Variants in SVIL observed in about 807,000 individuals in gnomAD.
SVIL encodes archvillin.
SVIL carries 101 observed loss-of-function variants against 240.4 expected under a neutral mutation model. That is an observed-to-expected ratio of 0.42 (90% confidence interval 0.36 to 0.50). The LOEUF (loss-of-function observed/expected upper bound fraction) is 0.50. SVIL is among the 20% of genes least tolerant of loss of function. The pLI, the probability that SVIL is intolerant of heterozygous loss-of-function variation, is 0.01. For missense variants in SVIL, 2,512 were observed against 2,818.7 expected, an observed-to-expected ratio of 0.89 and a Z score of 2.46; for synonymous variants, 999 against 1,100.0, an observed-to-expected ratio of 0.91 and a Z score of 1.82.
At chr10:29,581,640 C>CT (rs1217025579) in intron 1 of SVIL, among the ~76,000 whole-genome samples, 3 of 152,132 alleles carry the variant, frequency 2.0e-5, no homozygotes, top group Non-Finnish European at 4.4e-5. Context: ...ACCTAAAAGA[C>CT]TTATTAGTGT....
rs534304821 is a variant in SVIL, at chr10:29,578,968, A to G, written c.-200-9656T>C. 4.8e-4 allele frequency among the ~76,000 whole-genome samples: 73 copies of G among 152,278 alleles called. 2 individuals carry two copies. In the East Asian group the frequency reaches 0.013, roughly 28 times the overall value. ...CATGATGTGAAACAGAAATATTTGC[A>G]TGTAGGGAGAATCAGGAAGAACATG... On this transcript the variant is annotated intron_variant, in intron 1 of 37. Transcript: ENST00000355867.
intron 1 of SVIL, among the ~76,000 whole-genome samples, chr10:29,582,717 G>C (rs3004231): frequency 6.8e-6 from 1 of 146,342 alleles, no homozygotes. Flanking sequence ...GGGTGACAGA[G>C]TGAGACCCTG....
intron 1 of SVIL, among the ~76,000 whole-genome samples, chr10:29,624,737 T>C (rs1325037508): frequency 1.3e-5 from 2 of 152,294 alleles, no homozygotes; most frequent in Non-Finnish European, 2.9e-5. Flanking sequence ...AGGGAGATGC[T>C]GCATGCATAA....
chr10:29,507,747 G>A (rs944294349), intron 17 of SVIL: 9 of 985,002 alleles, frequency 9.1e-6, no homozygotes, highest in Admixed American at 6.2e-5. Flanking sequence ...CTGATTAATC[G>A]ACACAAAAGA....
At chr10:29,583,674 T>C (rs1391990712) in intron 1 of SVIL, among the ~76,000 whole-genome samples, 1 of 152,190 alleles carries the variant, frequency 6.6e-6, no homozygotes, top group African/African-American at 2.4e-5. Context: ...TGCTGATTGA[T>C]GCGGGGTAGG....
chr10:29,476,659 C>T (rs61848914), intron 29 of SVIL, among the ~76,000 whole-genome samples: 8,451 of 152,302 alleles, frequency 0.055, 318 homozygotes, highest in South Asian at 0.1. Flanking sequence ...CCCACCTCAG[C>T]TTCCCAAAAC....
At chr10:29,477,075 G>A (rs1946278112) in intron 29 of SVIL, among the ~76,000 whole-genome samples, 1 of 152,054 alleles carries the variant, frequency 6.6e-6, no homozygotes, top group South Asian at 2.1e-4. Flanking sequence ...ATGTTGGCCA[G>A]GATAGTCTCG....
intron 20 of SVIL, 83 bp downstream of exon 20, chr10:29,494,830 CT>C (rs930064967): frequency 1.3e-4 from 188 of 1,394,116 alleles, no homozygotes; most frequent in Non-Finnish European, 1.6e-4. Context: ...ACCAAAACTT[CT>C]TTTTTTTGGC....
intron 2 of SVIL, among the ~76,000 whole-genome samples, chr10:29,664,040 T>C (rs1480219946): frequency 2.6e-5 from 4 of 152,234 alleles, no homozygotes; most frequent in Admixed American, 6.5e-5. Flanking sequence ...ATGGTCTTTA[T>C]GCTGCCATTG....
intron 1 of SVIL, among the ~76,000 whole-genome samples, chr10:29,629,841 AT>A (rs1958017557): frequency 6.8e-6 from 1 of 147,916 alleles, no homozygotes. Context: ...TTAGCTGGGC[AT>A]AGTAGTGATT....
intron 1 of SVIL, among the ~76,000 whole-genome samples, chr10:29,578,845 A>G (rs1955815297): frequency 6.6e-6 from 1 of 152,162 alleles, no homozygotes; most frequent in Non-Finnish European, 1.5e-5. Context: ...AGCCAACCAC[A>G]TTTCTTGAAT....
chr10:29,625,020 A>G (rs574700868), intron 1 of SVIL, among the ~76,000 whole-genome samples: 4 of 152,322 alleles, frequency 2.6e-5, no homozygotes, highest in Non-Finnish European at 4.4e-5. Context: ...TAGCTTATAT[A>G]CAATCAGCTT....
intron 16 of SVIL, among the ~76,000 whole-genome samples, chr10:29,520,393 C>T (rs983643195): frequency 1.3e-5 from 2 of 152,180 alleles, no homozygotes; most frequent in African/African-American, 4.8e-5. Flanking sequence ...CTTCAAGCCT[C>T]AATAGGCCCA....
intron 1 of SVIL, among the ~76,000 whole-genome samples, chr10:29,600,215 G>A (rs1160196343): frequency 2.0e-5 from 3 of 152,028 alleles, no homozygotes; most frequent in East Asian, 3.9e-4. Context: ...GGATGAGCTC[G>A]TTACATGAAT....
intron 17 of SVIL, among the ~76,000 whole-genome samples, chr10:29,510,173 C>T (rs544468126): frequency 2.0e-5 from 3 of 152,320 alleles, no homozygotes; most frequent in South Asian, 2.1e-4. Flanking sequence ...ACTACAGGCA[C>T]GGCCATTGAG....
chr10:29,736,234 G>A (rs1192544056), upstream of SVIL, among the ~76,000 whole-genome samples: 3 of 152,206 alleles, frequency 2.0e-5, no homozygotes, highest in African/African-American at 7.2e-5. Flanking sequence ...CCTCGGAGGT[G>A]GCCCAAGGAA....
At chr10:29,729,913 G>A (rs187407346) in intron 1 of SVIL, among the ~76,000 whole-genome samples, 1 of 150,828 alleles carries the variant, frequency 6.6e-6, no homozygotes. Context: ...TGATGGCTGG[G>A]CACTGTTTCT....
In SVIL at chr10:29,481,751, G is replaced by A. The variant is rs1050056928; in HGVS notation, c.4956-23C>T. Reference sequence around the variant, plus strand: ...TTTCTGTAGGGTGGGAGGGGGGTTGGGAGAACAGACAGGAAAAGAACCAAG... The same window carrying A: ...TTTCTGTAGGGTGGGAGGGGGGTTGAGAGAACAGACAGGAAAAGAACCAAG... On this transcript the variant is annotated intron_variant, in intron 27 of 37. Transcript: ENST00000355867. The A allele has an allele frequency of 1.9e-6, 3 of 1,608,226 alleles. No homozygotes were observed. In the Admixed American group the frequency reaches 5.1e-5, roughly 27 times the overall value.
intron 16 of SVIL, among the ~76,000 whole-genome samples, chr10:29,520,414 C>T (rs534148890): frequency 2.0e-5 from 3 of 152,296 alleles, no homozygotes; most frequent in South Asian, 2.1e-4. Context: ...ACTGCTTCCC[C>T]GATTGAAGAC....
Sources: gnomAD v4.1 joint callset for allele counts (sites outside exome capture counted in the v4.1 genomes callset) on GRCh38, gnomAD v4.1.1 for gene constraint, MANE v1.5 for transcripts, NCBI Gene and HGNC (gene_info 2026-07-23, HGNC 2026-07-21) for gene names.